Variants in ADCY3 observed in about 807,000 individuals in gnomAD.
ADCY3 encodes adenylate cyclase 3.
ADCY3 carries 70 observed loss-of-function variants against 119.4 expected under a neutral mutation model. The ratio of observed to expected loss-of-function variants is 0.59; its 90% confidence interval spans 0.48 to 0.72. ADCY3 has a LOEUF of 0.72. Among genes scored for constraint, ADCY3 ranks in the 30% least tolerant of loss-of-function variants. The probability of loss-of-function intolerance (pLI) is 0.00; values close to 1 mark genes in which losing one functional copy is unlikely to be tolerated. For missense variants in ADCY3, 1,238 were observed against 1,541.6 expected (o/e 0.80, Z 3.30); for synonymous variants, 672 against 621.4 (o/e 1.08, Z -1.21).
chr2:24,909,799 A>T (rs1020914964), intron 2 of ADCY3, among the ~76,000 whole-genome samples: 1 of 152,210 alleles, frequency 6.6e-6, no homozygotes, highest in Admixed American at 6.5e-5. Flanking sequence ...CAGCCTCAGA[A>T]GACAGCTGCT....
chr2:24,823,963 G>A (rs10181147), intron 17 of ADCY3, among the ~76,000 whole-genome samples: 9,451 of 152,238 alleles, frequency 0.062, 484 homozygotes, highest in African/African-American at 0.14. Context: ...CCAAAGTGCC[G>A]GGATTACAGG....
chr2:24,821,229 A>G (rs1667650708), intron 20 of ADCY3: 3 of 454,200 alleles, frequency 6.6e-6, no homozygotes, highest in Admixed American at 7.8e-5. Flanking sequence ...AGGCACAGCA[A>G]CCCCTCTGGA....
rs1678686161 is a variant in ADCY3, at chr2:24,899,603, G to A, written c.675+18710C>T. Among the ~76,000 whole-genome samples the A allele has an allele frequency of 2.0e-5, 3 of 151,286 alleles. No individual in the cohort carries two copies. The highest frequency in any genetic ancestry group is 4.2e-4 in the South Asian group (2 of 4,788). On this transcript the variant is annotated intron_variant, in intron 2 of 21. Transcript: ENST00000679454. The surrounding 1 kb of genome is among the most constrained non-coding windows in gnomAD (Gnocchi z 4.5). Reference sequence around the variant, plus strand: ...TGTGGCTCAAGGAGGCCACCAGTGTGGACCTCGAGTGGCACCACCCAGCTG... The same window carrying A: ...TGTGGCTCAAGGAGGCCACCAGTGTAGACCTCGAGTGGCACCACCCAGCTG...
chr2:24,895,690 A>C (rs987109215), intron 2 of ADCY3, among the ~76,000 whole-genome samples: 1 of 150,584 alleles, frequency 6.6e-6, no homozygotes, highest in African/African-American at 2.4e-5. Flanking sequence ...GCAGTGATGG[A>C]ATCTTGGCTC....
In ADCY3 at chr2:24,858,165, A is replaced by ATTTTTTTTT. The variant is rs113840547; in HGVS notation, c.825+14404_825+14405insAAAAAAAAA. ...AGGTGCGCACCACCACCATGCCTGGATTTTTTTTAAGTTTTTTTGTAGAGA... is the reference window on the plus strand; with the variant it reads ...AGGTGCGCACCACCACCATGCCTGGATTTTTTTTTTTTTTTTTAAGTTTTTTTGTAGAGA... On this transcript the variant is annotated intron_variant, in intron 3 of 21. Transcript: ENST00000679454. Among the ~76,000 whole-genome samples the ATTTTTTTTT allele has an allele frequency of 9.2e-4, 138 of 149,218 alleles. 2 individuals carry two copies. The highest frequency in any genetic ancestry group is 3.3e-3 in the African/African-American group (131 of 39,182).
rs1036119005 is a variant in ADCY3 at position 24,898,635 on chromosome 2, G to A, written c.675+19678C>T. On this transcript the variant is annotated intron_variant, in intron 2 of 21. Coordinates refer to ENST00000679454, the MANE Select transcript of ADCY3 (RefSeq NM_004036.5). The surrounding 1 kb of genome is among the most constrained non-coding windows in gnomAD (Gnocchi z 4.3). Reference sequence around the variant, plus strand: ...ACTGGAAAGGAGCCCTCCCATTTCCGCCTCTGACTTCCTTTCCACAAAGCA... The same window carrying A: ...ACTGGAAAGGAGCCCTCCCATTTCCACCTCTGACTTCCTTTCCACAAAGCA... Among the ~76,000 whole-genome samples, 4 of 152,034 alleles carry A rather than the reference G, an allele frequency of 2.6e-5. No individual in the cohort carries two copies. The highest frequency in any genetic ancestry group is 4.8e-5 in the African/African-American group (2 of 41,392).
chr2:24,908,202 AC>A (rs1329878555), intron 2 of ADCY3, among the ~76,000 whole-genome samples: 1 of 151,858 alleles, frequency 6.6e-6, no homozygotes. Flanking sequence ...CATGCCTGTA[AC>A]CCCAGCTACT....
intron 2 of ADCY3, among the ~76,000 whole-genome samples, chr2:24,884,458 A>AT: frequency 8.2e-6 from 1 of 121,932 alleles, no homozygotes; most frequent in East Asian, 2.3e-4. Context: ...TATTGTCTTT[A>AT]TTTTCTAATA....
chr2:24,855,608 A>G (rs76216623), intron 3 of ADCY3, among the ~76,000 whole-genome samples: 3,903 of 152,304 alleles, frequency 0.026, 174 homozygotes, highest in African/African-American at 0.087. Context: ...CATGGTAATA[A>G]AAGTCAAGGC....
intron 3 of ADCY3, among the ~76,000 whole-genome samples, chr2:24,863,190 G>T (rs928071844): frequency 1.3e-5 from 2 of 152,182 alleles, no homozygotes; most frequent in Non-Finnish European, 2.9e-5. Flanking sequence ...TGAGGGTGTT[G>T]CCAAAGGAGT....
chr2:24,893,602 CTT>C (rs10707204), intron 2 of ADCY3, among the ~76,000 whole-genome samples: 9 of 146,604 alleles, frequency 6.1e-5, no homozygotes, highest in South Asian at 2.1e-4. Flanking sequence ...CAATACCTGT[CTT>C]TTTTTTTTTT....
At position 24,822,044 on chromosome 2, in the gene ADCY3, A is replaced by C. The variant is rs753178115; in HGVS notation, c.3004-404T>G. ...CTCATCCATATAATAGGGCCGTGGG[A>C]TGGTTGTAGAGGTAAAGCAGGATGA... On this transcript the variant is annotated intron_variant, in intron 19 of 21. Coordinates refer to ENST00000679454, the MANE Select transcript of ADCY3 (RefSeq NM_004036.5). The C allele has an allele frequency of 8.9e-5, 18 of 203,030 alleles. 1 individual carries two copies. The highest frequency in any genetic ancestry group is 1.6e-4 in the Non-Finnish European group (16 of 100,264). 12.6% of individuals were successfully genotyped at this position (203,030 alleles called of 1,614,324 possible).
chr2:24,819,853 C>A lies in ADCY3; in HGVS notation c.*79G>T. 1 of 1,464,000 alleles carries A rather than the reference C, an allele frequency of 6.8e-7. No homozygotes were observed. The highest frequency in any genetic ancestry group is 9.3e-7 in the Non-Finnish European group (1 of 1,073,950). 90.7% of individuals were successfully genotyped at this position (1,464,000 alleles called of 1,614,324 possible). A position where few individuals can be genotyped will look rare whatever the true frequency, so the allele number is the denominator to read the frequency against. On this transcript the variant is annotated 3_prime_UTR_variant, in exon 22 of 22. Transcript: ENST00000679454. ...AAAGTCCATGAGTGTGCACTTCAAT[C>A]CAGGAAGGTCGGGACTTCCTTCAGT...
chr2:24,915,153 AC>A (rs1664295294), intron 2 of ADCY3, among the ~76,000 whole-genome samples: 1 of 152,098 alleles, frequency 6.6e-6, no homozygotes, highest in Non-Finnish European at 1.5e-5. Context: ...CAGCAACAAA[AC>A]CACAAAACTC....
At chr2:24,850,135 G>A (rs530724462) in intron 3 of ADCY3, among the ~76,000 whole-genome samples, 44 of 151,988 alleles carry the variant, frequency 2.9e-4, no homozygotes, top group Non-Finnish European at 4.7e-4. Context: ...CACCTCTCCA[G>A]AGAGCCCCTG....
At position 24,834,680 on chromosome 2, in the gene ADCY3, G is replaced by C. The variant is rs1486473919; in HGVS notation, c.1806-34C>G. On this transcript the variant is annotated intron_variant, in intron 10 of 21. Coordinates refer to ENST00000679454, the MANE Select transcript of ADCY3 (RefSeq NM_004036.5). The surrounding 1 kb of genome is among the most constrained non-coding windows in gnomAD (Gnocchi z 4.2). ...GGAACAAGCCCCATGAATCCCAAAT[G>C]CCACATCTGCCTTGGCCTAGCAGGG... 6.2e-7 allele frequency: 1 copy of C among 1,608,412 alleles called. No homozygotes were observed. The highest frequency in any genetic ancestry group is 2.2e-5 in the East Asian group (1 of 44,710).
intron 7 of ADCY3, chr2:24,838,950 T>A (rs745486721): frequency 2.8e-6 from 4 of 1,416,996 alleles, no homozygotes; most frequent in Non-Finnish European, 3.8e-6. Flanking sequence ...AATTTTTTTT[T>A]TTTTTTTTTT....
intron 3 of ADCY3, among the ~76,000 whole-genome samples, chr2:24,859,840 C>A (rs577134520): frequency 2.6e-5 from 4 of 152,268 alleles, no homozygotes; most frequent in African/African-American, 9.6e-5. Flanking sequence ...GGAAACCCAC[C>A]CAGCGTCCAC....
At position 24,841,815 on chromosome 2, in the gene ADCY3, C is replaced by G; in HGVS notation, c.957-148G>C. 2 of 645,778 alleles carry G rather than the reference C, an allele frequency of 3.1e-6. No homozygotes were observed. Among genetic ancestry groups the G allele is most frequent in the Non-Finnish European group, 5.5e-6 (2 of 360,458 alleles). The allele number at this position is 645,778 out of a possible 1,614,324, so 40.0% of individuals were successfully genotyped here. On this transcript the variant is annotated intron_variant, in intron 4 of 21. Transcript: ENST00000679454. This position sits in a 1 kb window ranked among gnomAD's most constrained non-coding sequence, Gnocchi z 5.8. ...CGACCCCCAGACAGTGAGACCCTGACCCTTCCAGGTAAAGTCAGGGCTCTG... is the reference window on the plus strand; with the variant it reads ...CGACCCCCAGACAGTGAGACCCTGAGCCTTCCAGGTAAAGTCAGGGCTCTG...
Sources: allele counts gnomAD v4.1 joint callset (sites outside exome capture counted in the v4.1 genomes callset), GRCh38; gene constraint gnomAD v4.1.1; non-coding constraint Gnocchi (gnomAD v3.1); transcripts MANE v1.5; gene names NCBI Gene and HGNC (gene_info 2026-07-23, HGNC 2026-07-21).